The following SNX19 variants were observed in gnomAD, a reference collection of about 807,000 sequenced individuals.
SNX19 encodes sorting nexin 19.
SNX19 carries 60 observed loss-of-function variants against 85.2 expected under a neutral mutation model. The observed-to-expected ratio is 0.70, with a 90% CI of 0.57 to 0.87. SNX19 has a LOEUF of 0.87. Among genes scored for constraint, SNX19 ranks in the 40% least tolerant of loss-of-function variants. The pLI is 0.00. For missense variants in SNX19, 1,201 were observed against 1,217.8 expected, an observed-to-expected ratio of 0.99 and a Z score of 0.21; for synonymous variants, 520 against 470.0, an observed-to-expected ratio of 1.11 and a Z score of -1.38.
At chr11:130,899,186 T>G (rs761164492) in intron 8 of SNX19, among the ~76,000 whole-genome samples, 13 of 152,222 alleles carry the variant, frequency 8.5e-5, no homozygotes, top group Non-Finnish European at 1.8e-4. Flanking sequence ...GTATTTGCAC[T>G]AAGTCAACTC....
chr11:130,914,482 A>T lies in SNX19; in HGVS notation c.1458T>A (p.Asp486Glu). 1 of 1,613,838 alleles carries T rather than the reference A, an allele frequency of 6.2e-7. No homozygotes were observed. Among genetic ancestry groups the T allele is most frequent in the South Asian group, 1.1e-5 (1 of 91,070 alleles). Residue 486 changes from aspartate (D) to glutamate (E), a missense_variant, in exon 1 of 11, where the codon GAT becomes GAA. By Grantham distance (45) the Asp-to-Glu change is conservative. This residue lies in a region of SNX19 where 791 missense variants were observed against 750.9 expected (regional missense o/e 1.05). Transcript: ENST00000265909. ...CAAGGGAGCTCACATCATTGGTGAG[A>T]TCCTTCTCTAAGCATGACGGCCGTG... Reference protein sequence around the residue: ...CPSRPSCLEKDLTNDVSSLDP... With the variant: ...CPSRPSCLEKELTNDVSSLDP...
chr11:130,882,735 A>C (rs1237535293), intron 8 of SNX19, among the ~76,000 whole-genome samples: 2 of 152,202 alleles, frequency 1.3e-5, no homozygotes, highest in Non-Finnish European at 2.9e-5. Flanking sequence ...AGGTGGCTGC[A>C]ATGACCTGAT....
intron 4 of SNX19, 26 bp downstream of exon 4, chr11:130,909,992 G>A (rs1476945660): frequency 1.2e-6 from 2 of 1,611,760 alleles, no homozygotes; most frequent in East Asian, 2.2e-5. Flanking sequence ...CAAAACTAAA[G>A]CTGAGCACAG....
At chr11:130,891,286 G>A (rs969880715) in intron 8 of SNX19, among the ~76,000 whole-genome samples, 1 of 152,154 alleles carries the variant, frequency 6.6e-6, no homozygotes, top group African/African-American at 2.4e-5. Flanking sequence ...GTTGTAACGG[G>A]TATGCTAGGT....
chr11:130,908,161 C>A, intron 4 of SNX19, 78 bp from the exon 5 acceptor site: 1 of 1,534,070 alleles, frequency 6.5e-7, no homozygotes, highest in Admixed American at 2.0e-5. Context: ...CGCCTCACAG[C>A]ACTTTATGCA....
intron 10 of SNX19, among the ~76,000 whole-genome samples, chr11:130,879,037 C>T (rs1159864862): frequency 6.6e-6 from 1 of 152,224 alleles, no homozygotes; most frequent in African/African-American, 2.4e-5. Context: ...AGAAGAGTAA[C>T]AGCCCAAGGG....
At chr11:130,882,327 G>A (rs1039133063) in intron 8 of SNX19, among the ~76,000 whole-genome samples, 2 of 152,130 alleles carry the variant, frequency 1.3e-5, no homozygotes, top group African/African-American at 2.4e-5. Flanking sequence ...ATCACTCCTC[G>A]CTCCTATACT....
intron 8 of SNX19, chr11:130,881,133 A>G (rs1565507249): frequency 5.0e-6 from 1 of 199,762 alleles, no homozygotes; most frequent in Non-Finnish European, 1.0e-5. Context: ...CCCGGCCTTT[A>G]GAAACTGTGA....
At chr11:130,894,258 T>A (rs1944709558) in intron 8 of SNX19, among the ~76,000 whole-genome samples, 1 of 152,196 alleles carries the variant, frequency 6.6e-6, no homozygotes. Flanking sequence ...CAGACTCTGT[T>A]CTGCTCACTC....
In SNX19 at chr11:130,908,022, C is replaced by A; in HGVS notation, c.2096G>T (p.Ser699Ile). Residue 699 changes from serine (S) to isoleucine (I), a missense_variant, in exon 5 of 11, where the codon AGC becomes ATC. By Grantham distance (142) the Ser-to-Ile change is moderately radical. Coordinates refer to ENST00000265909, the MANE Select transcript of SNX19 (RefSeq NM_014758.3). ...KTAFPRSEPQ[S>I]PTEELSEAET... ...GGCCTCACTCAGCTCCTCTGTGGGG[C>A]TCTGGGGTTCAGAGCGAGGAAACGC... The A allele has an allele frequency of 6.2e-7, 1 of 1,614,158 alleles. No homozygotes were observed. The highest frequency in any genetic ancestry group is 8.5e-7 in the Non-Finnish European group (1 of 1,180,028).
Position 130,866,679 on chromosome 11 carries a change from G to A in SNX19, c.*11743C>T, listed in dbSNP as rs550686930. On this transcript the variant is annotated 3_prime_UTR_variant, in exon 11 of 11. Coordinates refer to ENST00000265909, the MANE Select transcript of SNX19 (RefSeq NM_014758.3). ...ACGGAGGGCAGCGTGGTTTACCAGC[G>A]AAAGGACTGAACAGAGTGCCAGGAG... is the stretch of plus-strand genomic sequence containing the variant. The A allele has an allele frequency of 2.0e-5, 3 of 152,308 alleles. No individual in the cohort carries two copies. Among genetic ancestry groups the A allele is most frequent in the East Asian group, 1.9e-4 (1 of 5,190 alleles). 9.4% of individuals were successfully genotyped at this position (152,308 alleles called of 1,614,324 possible).
At chr11:130,878,989 T>C (rs1943455503) in intron 10 of SNX19, among the ~76,000 whole-genome samples, 1 of 152,168 alleles carries the variant, frequency 6.6e-6, no homozygotes, top group African/African-American at 2.4e-5. Context: ...CAGTCTACTT[T>C]GGGGTAGGGT....
chr11:130,882,510 G>A (rs548500633), intron 8 of SNX19, among the ~76,000 whole-genome samples: 2 of 152,258 alleles, frequency 1.3e-5, no homozygotes, highest in Non-Finnish European at 2.9e-5. Flanking sequence ...AAGTGTGTAA[G>A]GTAATAGCAG....
intron 7 of SNX19, among the ~76,000 whole-genome samples, chr11:130,903,643 A>G (rs565892840): frequency 2.2e-4 from 34 of 151,650 alleles, no homozygotes; most frequent in African/African-American, 7.5e-4. Flanking sequence ...TAAAAGATAT[A>G]TATCTTCTAA....
At chr11:130,899,843 T>C (rs568293944) in intron 8 of SNX19, among the ~76,000 whole-genome samples, 1 of 152,306 alleles carries the variant, frequency 6.6e-6, no homozygotes, top group East Asian at 1.9e-4. Context: ...ATTCACCAAA[T>C]ATATTCAGAG....
chr11:130,901,507 A>G (rs968820769), intron 8 of SNX19, among the ~76,000 whole-genome samples: 1 of 152,218 alleles, frequency 6.6e-6, no homozygotes, highest in African/African-American at 2.4e-5. Flanking sequence ...AATAACAGGT[A>G]GAGAAAGACC....
rs1942768822 is a variant in SNX19 at position 130,866,483 on chromosome 11, G to A, written c.*11939C>T. 1 of 152,208 alleles carries A rather than the reference G, an allele frequency of 6.6e-6. No homozygotes were observed. Among genetic ancestry groups the A allele is most frequent in the Non-Finnish European group, 1.5e-5 (1 of 68,046 alleles). 9.4% of individuals were successfully genotyped at this position (152,208 alleles called of 1,614,324 possible). On this transcript the variant is annotated 3_prime_UTR_variant, in exon 11 of 11. Transcript: ENST00000265909. ...AGACAGTAATAAATACGTGCCCATT[G>A]CAATGAGTTACCCAATCAAGCCCTT...
chr11:130,892,089 C>T (rs932933393), intron 8 of SNX19, among the ~76,000 whole-genome samples: 1 of 151,140 alleles, frequency 6.6e-6, no homozygotes, highest in South Asian at 2.1e-4. Context: ...AATGATCCAC[C>T]CACCTTGGCC....
intron 8 of SNX19, among the ~76,000 whole-genome samples, chr11:130,897,881 T>A (rs1944985229): frequency 6.6e-6 from 1 of 152,234 alleles, no homozygotes; most frequent in Admixed American, 6.5e-5. Flanking sequence ...CCCCTTCCCC[T>A]CCCTTTGTCT....
Sources: allele counts gnomAD v4.1 joint callset (sites outside exome capture counted in the v4.1 genomes callset), GRCh38; gene constraint gnomAD v4.1.1; regional missense constraint gnomAD v4.1.1; transcripts MANE v1.5; gene names NCBI Gene and HGNC (gene_info 2026-07-23, HGNC 2026-07-21).